RIOK3: variants seen among roughly 807,000 people sequenced by gnomAD.
RIOK3 encodes the protein serine/threonine-protein kinase RIO3.
Under a neutral mutation model 63.5 loss-of-function variants are expected in RIOK3, and 40 were observed. The ratio of observed to expected loss-of-function variants is 0.63; its 90% CI spans 0.49 to 0.82. RIOK3 has a LOEUF of 0.82. Ranked by LOEUF, RIOK3 falls within the 40% of genes least tolerant of loss-of-function variation. RIOK3 has a pLI of 0.00. For missense variants in RIOK3, 557 were observed against 637.0 expected (o/e 0.87, Z 1.35); for synonymous variants, 193 against 205.0 (o/e 0.94, Z 0.50).
intron 11 of RIOK3, among the ~76,000 whole-genome samples, chr18:23,477,906 C>T (rs1022745521): frequency 1.3e-4 from 19 of 151,362 alleles, no homozygotes; most frequent in East Asian, 3.9e-4. Context: ...GCTGTCTGTA[C>T]GAAAAATACA....
chr18:23,473,010 A>G (rs1306554424), intron 7 of RIOK3, among the ~76,000 whole-genome samples: 1 of 152,180 alleles, frequency 6.6e-6, no homozygotes, highest in Non-Finnish European at 1.5e-5. Context: ...GTGGGGCAGG[A>G]ACCATTTGAT....
At chr18:23,478,653 A>T (rs866029853) in intron 11 of RIOK3, among the ~76,000 whole-genome samples, 2,357 of 134,020 alleles carry the variant, frequency 0.018, 170 homozygotes, top group African/African-American at 0.061. Flanking sequence ...ATATATATAT[A>T]TATATGGTAA....
intron 11 of RIOK3, chr18:23,479,047 C>T (rs1481761263): frequency 3.1e-6 from 1 of 319,508 alleles, no homozygotes; most frequent in Non-Finnish European, 6.1e-6. Context: ...CTCAAGAGAT[C>T]CTCCCTCCTT....
chr18:23,466,345 GAAA>G, intron 6 of RIOK3, 69 bp downstream of exon 6: 1 of 1,217,914 alleles, frequency 8.2e-7, no homozygotes. Context: ...TTTGGGTAAA[GAAA>G]AAAAAACTTC....
At position 23,473,574 on chromosome 18, in the gene RIOK3, C is replaced by T. The variant is rs924585349; in HGVS notation, c.961C>T (p.Pro321Ser). ...TAAAGATCGCTTCAGTAAACTAAAT[C>T]CACGTAAGATCATCCGCATGTGGGC... ...RFKDRFSKLN[P>S]RKIIRMWAEK... The change falls in exon 8 of 13, where the codon CCA (proline) becomes TCA (serine). Residue 321 changes from proline to serine, a missense_variant. Around this residue, in one of 3 missense-constraint regions of RIOK3, gnomAD observed 309 missense variants for 338.7 expected, o/e 0.91. Coordinates refer to ENST00000339486, the MANE Select transcript of RIOK3 (RefSeq NM_003831.5). 1 of 1,613,538 alleles carries T rather than the reference C, an allele frequency of 6.2e-7. No individual in the cohort carries two copies. The highest frequency in any genetic ancestry group is 1.3e-5 in the African/African-American group (1 of 74,990).
At chr18:23,456,865 T>G (rs928367568) in intron 1 of RIOK3, among the ~76,000 whole-genome samples, 1 of 152,236 alleles carries the variant, frequency 6.6e-6, no homozygotes, top group African/African-American at 2.4e-5. Flanking sequence ...GCTAAGTAGA[T>G]TGTAGCAGAT....
chr18:23,464,455 C>A, intron 4 of RIOK3, 64 bp from the exon 5 acceptor site: 3 of 1,221,592 alleles, frequency 2.5e-6, no homozygotes, highest in Non-Finnish European at 3.5e-6. Flanking sequence ...TTTCAGACAA[C>A]GTTGAATGCA....
intron 1 of RIOK3, among the ~76,000 whole-genome samples, chr18:23,457,724 C>T (rs1489053308): frequency 6.6e-6 from 1 of 151,982 alleles, no homozygotes; most frequent in East Asian, 1.9e-4. Flanking sequence ...TTATTTTTTT[C>T]AGAGCCACTT....
chr18:23,467,433 T>C lies in RIOK3; in HGVS notation c.722T>C (p.Met241Thr), dbSNP rs759167749. ...GTTGATCCTAAGACACGTTTACTTA[T>C]GTATAAAATGGTCAACTCTGGAATG... The part of the protein sequence containing the change: ...KAVDPKTRLL[M>T]YKMVNSGMLE... Residue 241 changes from methionine to threonine, a missense_variant, in exon 7 of 13, where the codon ATG becomes ACG. Transcript: ENST00000339486. The C allele has an allele frequency of 6.2e-7, 1 of 1,613,170 alleles. No homozygotes were observed. The highest frequency in any genetic ancestry group is 8.5e-7 in the Non-Finnish European group (1 of 1,179,388).
At position 23,476,934 on chromosome 18, in the gene RIOK3, C is replaced by CT. The variant is rs1239718831; in HGVS notation, c.1174-69dup. 3 of 1,311,046 alleles carry CT rather than the reference C, an allele frequency of 2.3e-6. No individual in the cohort carries two copies. The African/African-American group carries it at 4.4e-5, about 19-fold the overall frequency. The allele number at this position is 1,311,046 out of a possible 1,614,324, so 81.2% of individuals were successfully genotyped here. A position where few individuals can be genotyped will look rare whatever the true frequency, so the allele number is the denominator to read the frequency against. On this transcript the variant is annotated intron_variant, in intron 9 of 12. Coordinates refer to ENST00000339486, the MANE Select transcript of RIOK3 (RefSeq NM_003831.5). ...CTCCAAAAAAATAAAAAATAAAAAACTTTCAGGGGTGTCATCATCAATAAT... is the reference window on the plus strand; with the variant it reads ...CTCCAAAAAAATAAAAAATAAAAAACTTTTCAGGGGTGTCATCATCAATAAT...
intron 5 of RIOK3, among the ~76,000 whole-genome samples, chr18:23,464,963 A>G (rs1456993833): frequency 6.6e-6 from 1 of 152,216 alleles, no homozygotes; most frequent in Non-Finnish European, 1.5e-5. Flanking sequence ...GCGATTGGGG[A>G]ATACAAATGG....
intron 7 of RIOK3, among the ~76,000 whole-genome samples, chr18:23,469,677 G>A (rs987915603): frequency 6.6e-6 from 1 of 151,368 alleles, no homozygotes; most frequent in Non-Finnish European, 1.5e-5. Context: ...TAGTAGAGAC[G>A]GGGTTTCACC....
At position 23,473,427 on chromosome 18, in the gene RIOK3, A is replaced by T; in HGVS notation, c.816-2A>T. The T allele has an allele frequency of 6.3e-7, 1 of 1,596,600 alleles. No individual in the cohort carries two copies. Among genetic ancestry groups the T allele is most frequent in the Admixed American group, 1.7e-5 (1 of 58,482 alleles). On this transcript the variant is annotated splice_acceptor_variant, in intron 7 of 12. Coordinates refer to ENST00000339486, the MANE Select transcript of RIOK3 (RefSeq NM_003831.5). LOFTEE classifies it high-confidence loss of function. ...TGACTTGATTTTTTTTCTTCCACTT[A>T]GCATGGAGGATGAAAAGGAAGATAG...
chr18:23,463,326 G>T, intron 2 of RIOK3: 1 of 295,178 alleles, frequency 3.4e-6, no homozygotes, highest in Non-Finnish European at 6.2e-6. Context: ...ATGAGGTACA[G>T]TTTTGATCAA....
At chr18:23,469,902 G>T (rs1344900509) in intron 7 of RIOK3, among the ~76,000 whole-genome samples, 1 of 152,160 alleles carries the variant, frequency 6.6e-6, no homozygotes, top group East Asian at 1.9e-4. Context: ...TACTCTCAAA[G>T]AGCTTAAGCT....
At chr18:23,457,067 A>ACTCTTG (rs2057345733) in intron 1 of RIOK3, among the ~76,000 whole-genome samples, 1 of 152,138 alleles carries the variant, frequency 6.6e-6, no homozygotes, top group Non-Finnish European at 1.5e-5. Context: ...AAAACTCCAC[A>ACTCTTG]CTCTTGGGAG....
At position 23,467,459 on chromosome 18, in the gene RIOK3, T is replaced by C. The variant is rs940208192; in HGVS notation, c.748T>C (p.Leu250=). Residue 250 remains leucine (L), a synonymous_variant, in exon 7 of 13, where the codon TTG becomes CTG. Transcript: ENST00000339486. ...LMYKMVNSGM[L]ETITGCISTG... is the part of the protein sequence containing the mutation. ...GTATAAAATGGTCAACTCTGGAATG[T>C]TGGAGACAATCACTGGCTGTATTAG... 12 of 1,613,662 alleles carry C rather than the reference T, an allele frequency of 7.4e-6. No homozygotes were observed. In the African/African-American group the frequency reaches 8.0e-5, roughly 11 times the overall value.
At chr18:23,455,343 G>A (rs913428197) in intron 1 of RIOK3, among the ~76,000 whole-genome samples, 5 of 151,298 alleles carry the variant, frequency 3.3e-5, no homozygotes, top group African/African-American at 1.2e-4. Flanking sequence ...ACACTGCTGG[G>A]ATTACAGGCG....
intron 11 of RIOK3, among the ~76,000 whole-genome samples, chr18:23,477,934 C>T (rs768536147): frequency 8.7e-5 from 13 of 149,184 alleles, no homozygotes; most frequent in South Asian, 2.1e-4. Flanking sequence ...TAGTTGGGTG[C>T]GGTAGCGTGT....
Sources: gnomAD v4.1 joint callset for allele counts (sites outside exome capture counted in the v4.1 genomes callset) on GRCh38, gnomAD v4.1.1 for gene constraint, gnomAD v4.1.1 regional missense constraint, MANE v1.5 for transcripts, NCBI Gene and HGNC (gene_info 2026-07-23, HGNC 2026-07-21) for gene names.